Variants in CTNNA3 observed in about 807,000 individuals in gnomAD.
CTNNA3 encodes catenin alpha 3.
A neutral mutation model predicts 95.7 loss-of-function variants in CTNNA3; 76 were observed. That is an observed-to-expected ratio of 0.79 (90% CI 0.66 to 0.96). The LOEUF (loss-of-function observed/expected upper bound fraction) is 0.96. CTNNA3 is among the 40% of genes least tolerant of loss of function. The pLI, the probability that CTNNA3 is intolerant of heterozygous loss-of-function variation, is 0.00. For synonymous variants in CTNNA3, 431 were observed against 374.4 expected (o/e 1.15, Z -1.74); for missense variants, 1,191 against 1,089.8 (o/e 1.09, Z -1.31).
chr10:67,240,465 T>TA (rs2132330194), intron 5 of CTNNA3, among the ~76,000 whole-genome samples: 1 of 152,248 alleles, frequency 6.6e-6, no homozygotes, highest in Non-Finnish European at 1.5e-5. Context: ...AGGCTTCAGG[T>TA]AAAAGAAAGT....
intron 3 of CTNNA3, among the ~76,000 whole-genome samples, chr10:67,577,709 TG>T (rs1405674584): frequency 1.8e-4 from 27 of 151,844 alleles, no homozygotes; most frequent in African/African-American, 6.1e-4. Flanking sequence ...CATATGTGTG[TG>T]TGTGTGTGTG....
At chr10:66,578,435 A>G (rs1398695960) in intron 10 of CTNNA3, among the ~76,000 whole-genome samples, 1 of 151,950 alleles carries the variant, frequency 6.6e-6, no homozygotes, top group Non-Finnish European at 1.5e-5. Flanking sequence ...CCTAATTGCT[A>G]TGATGTTGGC....
intron 9 of CTNNA3, among the ~76,000 whole-genome samples, chr10:66,719,622 C>A (rs1054385205): frequency 6.6e-6 from 1 of 152,064 alleles, no homozygotes; most frequent in Non-Finnish European, 1.5e-5. Flanking sequence ...ACCAGGGTAA[C>A]CAGAAGCACG....
At chr10:66,549,413 G>T (rs1842145657) in intron 10 of CTNNA3, among the ~76,000 whole-genome samples, 1 of 152,064 alleles carries the variant, frequency 6.6e-6, no homozygotes, top group African/African-American at 2.4e-5. Flanking sequence ...TTATTGATCT[G>T]AATAGTTAGA....
rs1278266914 is a variant in CTNNA3, at chr10:67,100,834, C to T, written c.1047+79483G>A. Among the ~76,000 whole-genome samples, 10 of 151,758 alleles carry T rather than the reference C, an allele frequency of 6.6e-5. No individual in the cohort carries two copies. In the East Asian group the frequency reaches 1.9e-3, roughly 30 times the overall value. On this transcript the variant is annotated intron_variant, in intron 7 of 17. Transcript: ENST00000433211. ...TGAGCTCTTACCCCAAAACACAGGG[C>T]CAATAATTGGTGCAGTTGAATTATT...
chr10:66,964,480 T>C (rs7899256), intron 7 of CTNNA3, among the ~76,000 whole-genome samples: 26,142 of 152,130 alleles, frequency 0.17, 2,361 homozygotes, highest in Middle Eastern at 0.19. Flanking sequence ...ATAACAATTG[T>C]AAATATTCAT....
intron 13 of CTNNA3, among the ~76,000 whole-genome samples, chr10:66,208,067 A>G (rs528497763): frequency 6.6e-6 from 1 of 152,234 alleles, no homozygotes; most frequent in Admixed American, 6.6e-5. Flanking sequence ...AAGAAAGAAT[A>G]TCAAAAACAT....
chr10:66,845,716 A>ATAAATAAATAAATAAAT (rs1306765689), intron 7 of CTNNA3, among the ~76,000 whole-genome samples: 15 of 127,004 alleles, frequency 1.2e-4, no homozygotes, highest in Non-Finnish European at 1.7e-4. Flanking sequence ...AAAAAAAAAA[A>ATAAATAAATAAATAAAT]AAAAAAAAAA....
intron 5 of CTNNA3, among the ~76,000 whole-genome samples, chr10:67,282,149 T>C (rs1360569984): frequency 6.6e-6 from 1 of 152,166 alleles, no homozygotes; most frequent in Non-Finnish European, 1.5e-5. Context: ...TTTTTTAACT[T>C]ATACTTTCTA....
At chr10:67,237,661 C>T (rs771812715) in intron 5 of CTNNA3, among the ~76,000 whole-genome samples, 10 of 151,960 alleles carry the variant, frequency 6.6e-5, no homozygotes, top group African/African-American at 2.4e-4. Flanking sequence ...CATGAAAAGG[C>T]GAGGAAGGTG....
At chr10:66,991,792 T>A (rs1851055006) in intron 7 of CTNNA3, among the ~76,000 whole-genome samples, 1 of 152,222 alleles carries the variant, frequency 6.6e-6, no homozygotes, top group African/African-American at 2.4e-5. Flanking sequence ...ATGTAGGATA[T>A]TTTCTAGTTT....
chr10:67,187,710 G>A (rs1040848958), intron 6 of CTNNA3, among the ~76,000 whole-genome samples: 9 of 151,808 alleles, frequency 5.9e-5, no homozygotes, highest in Admixed American at 1.3e-4. Flanking sequence ...CTCAGCCTCC[G>A]CAGTAACTGG....
chr10:66,528,554 T>C (rs964506406), intron 10 of CTNNA3, among the ~76,000 whole-genome samples: 6 of 152,170 alleles, frequency 3.9e-5, no homozygotes, highest in Non-Finnish European at 7.4e-5. Context: ...CACATTGTCA[T>C]TTATTCTAGT....
At chr10:66,940,039 G>A (rs1352592783) in intron 7 of CTNNA3, among the ~76,000 whole-genome samples, 1 of 151,916 alleles carries the variant, frequency 6.6e-6, no homozygotes, top group African/African-American at 2.4e-5. Context: ...TCTTTTTAAA[G>A]AGGAACAGTA....
intron 7 of CTNNA3, among the ~76,000 whole-genome samples, chr10:67,078,512 CT>C (rs11396357): frequency 6.6e-6 from 1 of 151,246 alleles, no homozygotes; most frequent in African/African-American, 2.4e-5. Context: ...TTTCTGATAC[CT>C]TTTTTATTAT....
chr10:67,200,465 T>A (rs904913610), intron 6 of CTNNA3, among the ~76,000 whole-genome samples: 1 of 152,214 alleles, frequency 6.6e-6, no homozygotes, highest in African/African-American at 2.4e-5. Context: ...ATACTGCCTC[T>A]GCATCAGCAC....
At chr10:66,963,788 G>C (rs747700290) in intron 7 of CTNNA3, among the ~76,000 whole-genome samples, 13 of 151,952 alleles carry the variant, frequency 8.6e-5, no homozygotes, top group Non-Finnish European at 1.6e-4. Context: ...ATTTGGGCTA[G>C]AAAGTGGTGT....
intron 13 of CTNNA3, among the ~76,000 whole-genome samples, chr10:66,209,365 A>G (rs974672249): frequency 3.3e-5 from 5 of 152,208 alleles, no homozygotes; most frequent in Admixed American, 2.0e-4. Context: ...TAGCAAGGTA[A>G]GAAGTATGGA....
intron 11 of CTNNA3, among the ~76,000 whole-genome samples, chr10:66,495,875 C>A (rs946091345): frequency 6.6e-6 from 1 of 152,130 alleles, no homozygotes; most frequent in Admixed American, 6.5e-5. Flanking sequence ...CCAGGCTGAT[C>A]TTGAATTCCT....
Sources: allele counts gnomAD v4.1 joint callset (sites outside exome capture counted in the v4.1 genomes callset), GRCh38; gene constraint gnomAD v4.1.1; transcripts MANE v1.5; gene names NCBI Gene and HGNC (gene_info 2026-07-23, HGNC 2026-07-21).